Variants in STRADB observed in about 807,000 individuals in gnomAD.
STRADB encodes the protein STE20 related adaptor beta, also known as STE20-related kinase adapter protein beta.
STRADB carries 34 observed loss-of-function variants against 52.1 expected under a neutral mutation model. That is an observed-to-expected ratio of 0.65 (90% CI 0.50 to 0.87). The LOEUF (loss-of-function observed/expected upper bound fraction) is 0.87. Among genes scored for constraint, STRADB ranks in the 40% least tolerant of loss-of-function variants. STRADB has a pLI of 0.00. For synonymous variants in STRADB, 133 were observed against 174.5 expected, an observed-to-expected ratio of 0.76 and a Z score of 1.87; for missense variants, 340 against 483.9, an observed-to-expected ratio of 0.70 and a Z score of 2.79.
At chr2:201,469,922 A>G (rs752834966) in intron 3 of STRADB, 31 bp from the exon 4 acceptor site, 55 of 1,537,394 alleles carry the variant, frequency 3.6e-5, no homozygotes, top group Non-Finnish European at 4.7e-5. Context: ...AAGTTCATCT[A>G]TTTTGTTTTT....
At chr2:201,479,562 GT>G (rs1161597155) in intron 11 of STRADB, 31 bp downstream of exon 11, 1 of 1,579,342 alleles carries the variant, frequency 6.3e-7, no homozygotes, top group South Asian at 1.2e-5. Context: ...TTGTCTCGAT[GT>G]TTTTAATTAC....
intron 3 of STRADB, among the ~76,000 whole-genome samples, chr2:201,468,241 A>G (rs982599820): frequency 5.9e-5 from 9 of 151,940 alleles, no homozygotes; most frequent in South Asian, 2.1e-4. Flanking sequence ...TTTGCTTTCT[A>G]TCATCTAACT....
At position 201,451,795 on chromosome 2, in the gene STRADB, G is replaced by T; in HGVS notation, c.-239G>T. 6.6e-6 allele frequency: 1 copy of T among 152,172 alleles called. No homozygotes were observed. The highest frequency in any genetic ancestry group is 1.5e-5 in the Non-Finnish European group (1 of 68,016). The allele number at this position is 152,172 out of a possible 1,614,324, so 9.4% of individuals were successfully genotyped here. On this transcript the variant is annotated 5_prime_UTR_variant, in exon 1 of 12. Transcript: ENST00000194530. The stretch of plus-strand genomic sequence containing the variant: ...GAGTTCCAAGCCCACGGCCCCGGTC[G>T]CGGCCTCGCCGCCCTCCCGCGCCCC...
At chr2:201,474,177 A>T (rs553721640) in intron 5 of STRADB, among the ~76,000 whole-genome samples, 1 of 152,302 alleles carries the variant, frequency 6.6e-6, no homozygotes, top group East Asian at 1.9e-4. Flanking sequence ...GGCGTGAGCC[A>T]CCGTGCCCGG....
In STRADB at chr2:201,477,549, C is replaced by T. The variant is rs961629674; in HGVS notation, c.549-70C>T. ...TTCCAAGAGAATATATGGATTTGTT[C>T]CTGCCAGATTTTTATTCTTTCTTCA... On this transcript the variant is annotated intron_variant, in intron 7 of 11. Coordinates refer to ENST00000194530, the MANE Select transcript of STRADB (RefSeq NM_018571.6). 5 of 1,463,912 alleles carry T rather than the reference C, an allele frequency of 3.4e-6. No homozygotes were observed. The African/African-American group carries it at 5.6e-5, about 16-fold the overall frequency. The allele number at this position is 1,463,912 out of a possible 1,614,324, so 90.7% of individuals were successfully genotyped here.
chr2:201,474,947 A>G (rs1465029178), intron 6 of STRADB, among the ~76,000 whole-genome samples, 192 bp downstream of exon 6: 1 of 152,208 alleles, frequency 6.6e-6, no homozygotes, highest in African/African-American at 2.4e-5. Flanking sequence ...AATTGGTATG[A>G]TGATCAGTGA....
intron 1 of STRADB, among the ~76,000 whole-genome samples, chr2:201,452,531 G>T (rs1952062768): frequency 6.6e-6 from 1 of 152,196 alleles, no homozygotes. Context: ...GCTTAGCACG[G>T]TGCCTGGCAC....
At chr2:201,456,400 C>T (rs1230677658) in intron 2 of STRADB, among the ~76,000 whole-genome samples, 1 of 152,034 alleles carries the variant, frequency 6.6e-6, no homozygotes, top group Non-Finnish European at 1.5e-5. Context: ...TGTGTGTTGC[C>T]CAGGGCTTTC....
At position 201,462,329 on chromosome 2, in the gene STRADB, A is replaced by G. The variant is rs542045966; in HGVS notation, c.93+3465A>G. On this transcript the variant is annotated intron_variant, in intron 3 of 11. Coordinates refer to ENST00000194530, the MANE Select transcript of STRADB (RefSeq NM_018571.6). ...GAAGTGTGGTTCTTGTAGGCAACAG[A>G]TAATTGAATCTTTTTTTAATCGATT... 3.9e-5 allele frequency among the ~76,000 whole-genome samples: 6 copies of G among 152,246 alleles called. No homozygotes were observed. The East Asian group carries it at 1.2e-3, about 29-fold the overall frequency.
At chr2:201,477,570 CT>C in intron 7 of STRADB, 48 bp from the exon 8 acceptor site, 2 of 1,529,806 alleles carry the variant, frequency 1.3e-6, no homozygotes, top group Non-Finnish European at 1.8e-6. Context: ...TTTATTCTTT[CT>C]TCATTGGCCA....
chr2:201,459,882 TTCCTCA>T (rs55776598), intron 3 of STRADB, among the ~76,000 whole-genome samples: 83,279 of 151,318 alleles, frequency 0.55, 23,909 homozygotes, highest in Non-Finnish European at 0.65. Flanking sequence ...TCTGAAATTC[TTCCTCA>T]TCCATAAAGA....
chr2:201,459,535 T>G (rs1264444144), intron 3 of STRADB, among the ~76,000 whole-genome samples: 1 of 152,342 alleles, frequency 6.6e-6, no homozygotes, highest in Admixed American at 6.5e-5. Context: ...ATATTTATTA[T>G]CTGTCTCTGA....
intron 3 of STRADB, among the ~76,000 whole-genome samples, chr2:201,467,004 C>G: frequency 6.6e-6 from 1 of 152,262 alleles, no homozygotes; most frequent in South Asian, 2.1e-4. Context: ...GATTATTGAA[C>G]TATGATGTAG....
intron 1 of STRADB, 74 bp from the exon 2 acceptor site, chr2:201,454,672 G>A (rs1271241781): frequency 4.1e-6 from 2 of 488,032 alleles, no homozygotes; most frequent in Non-Finnish European, 7.1e-6. Flanking sequence ...CTAAATATTG[G>A]ATGGGTTTAA....
chr2:201,476,820 C>CAA (rs1431600674), intron 7 of STRADB, among the ~76,000 whole-genome samples: 3 of 132,404 alleles, frequency 2.3e-5, no homozygotes, highest in South Asian at 2.4e-4. Flanking sequence ...ACTAAAAATA[C>CAA]AAAAAAAAAA....
chr2:201,466,200 G>A (rs1465001079), intron 3 of STRADB, among the ~76,000 whole-genome samples: 1 of 152,194 alleles, frequency 6.6e-6, no homozygotes, highest in African/African-American at 2.4e-5. Flanking sequence ...CCCTTTGGGT[G>A]AGGCAGAAAG....
At chr2:201,456,820 G>A (rs1329148112) in intron 2 of STRADB, among the ~76,000 whole-genome samples, 1 of 152,148 alleles carries the variant, frequency 6.6e-6, no homozygotes, top group African/African-American at 2.4e-5. Flanking sequence ...AAGGTATGTG[G>A]GGTGAAGTTC....
At chr2:201,472,930 A>C in intron 4 of STRADB, 25 bp from the exon 5 acceptor site, 17 of 1,566,152 alleles carry the variant, frequency 1.1e-5, no homozygotes, top group Non-Finnish European at 1.5e-5. Flanking sequence ...TTGGTTACTA[A>C]CATGAGTTTT....
chr2:201,468,462 T>G (rs1952339856), intron 3 of STRADB, among the ~76,000 whole-genome samples: 2 of 152,202 alleles, frequency 1.3e-5, no homozygotes, highest in African/African-American at 4.8e-5. Context: ...TTTGCTACTT[T>G]TATTCTGGTT....
Sources: allele counts gnomAD v4.1 joint callset (sites outside exome capture counted in the v4.1 genomes callset), GRCh38; gene constraint gnomAD v4.1.1; transcripts MANE v1.5; gene names NCBI Gene and HGNC (gene_info 2026-07-23, HGNC 2026-07-21).